The following ELFN2 variants were observed in gnomAD, a reference collection of about 807,000 sequenced individuals.
ELFN2 encodes extracellular leucine rich repeat and fibronectin type III domain containing 2, also known as protein phosphatase 1 regulatory subunit 29.
In ELFN2, 17 loss-of-function variants were observed where a neutral mutation model predicts 45.5. The observed-to-expected ratio is 0.37, with a 90% CI of 0.26 to 0.56. The LOEUF is 0.56. Among genes scored for constraint, ELFN2 ranks in the 20% least tolerant of loss-of-function variants. ELFN2 has a pLI of 0.77. For missense variants in ELFN2, 922 were observed against 1,183.2 expected, an observed-to-expected ratio of 0.78 and a Z score of 3.24; for synonymous variants, 550 against 551.5, an observed-to-expected ratio of 1.00 and a Z score of 0.04.
chr22:37,354,772 T>C (rs911685908), intron 1 of ELFN2: 16 of 151,206 alleles, frequency 1.1e-4, no homozygotes, highest in Non-Finnish European at 2.1e-4. Flanking sequence ...TGGCCTCAGC[T>C]GTCCTATGCA....
chr22:37,374,072 T>A lies in ELFN2; in HGVS notation c.1463A>T (p.Glu488Val), dbSNP rs376193256. The change falls in exon 3 of 3, where the codon GAG (glutamate) becomes GTG (valine). Residue 488 changes from glutamate to valine, a missense_variant. Physicochemically the swap from Glu to Val is moderately radical, Grantham distance 121. Around this residue, in one of 2 missense-constraint regions of ELFN2, gnomAD observed 564 missense variants for 642.8 expected, o/e 0.88. Coordinates refer to ENST00000402918, the MANE Select transcript of ELFN2 (RefSeq NM_052906.5). ...TACCTTGGGTGTGTCCAGCCCGGCC[T>A]CCAACCCCTTGGCGGTGGGCAGCTT... is the stretch of plus-strand genomic sequence containing the variant. ...GEKLPTAKGLEAGLDTPKVAT... is the reference protein window; with the variant it reads ...GEKLPTAKGLVAGLDTPKVAT... 1 of 1,613,034 alleles carries A rather than the reference T, an allele frequency of 6.2e-7. No individual in the cohort carries two copies. The highest frequency in any genetic ancestry group is 8.5e-7 in the Non-Finnish European group (1 of 1,180,014).
chr22:37,364,643 G>A (rs959782378), downstream of ELFN2, among the ~76,000 whole-genome samples: 3 of 152,196 alleles, frequency 2.0e-5, no homozygotes, highest in East Asian at 1.9e-4. Flanking sequence ...TGAGTGCCAC[G>A]CTGTGACACC....
chr22:37,408,411 C>T (rs1000865132), intron 2 of ELFN2, among the ~76,000 whole-genome samples: 1 of 152,256 alleles, frequency 6.6e-6, no homozygotes, highest in Non-Finnish European at 1.5e-5. Flanking sequence ...ATGTGCTGAG[C>T]GCCTGAGCCT....
At chr22:37,383,187 C>T (rs1161613504) in intron 2 of ELFN2, among the ~76,000 whole-genome samples, 1 of 152,150 alleles carries the variant, frequency 6.6e-6, no homozygotes, top group East Asian at 1.9e-4. Context: ...GCGTTCAGAG[C>T]AGGATCAGCT....
In ELFN2 at chr22:37,368,736, C is replaced by T. The variant is rs1458808080; in HGVS notation, c.*4336G>A. On this transcript the variant is annotated 3_prime_UTR_variant, in exon 3 of 3. Transcript: ENST00000402918. The stretch of plus-strand genomic sequence containing the variant: ...CCTCAGGGCTGAGCTTCCCCAGGCT[C>T]CCCGACGGCTTGCCCCGCCCATCCA... The T allele has an allele frequency of 1.3e-5, 2 of 152,314 alleles. No homozygotes were observed. The highest frequency in any genetic ancestry group is 2.9e-5 in the Non-Finnish European group (2 of 68,178). 9.4% of individuals were successfully genotyped at this position (152,314 alleles called of 1,614,324 possible). A position where few individuals can be genotyped will look rare whatever the true frequency, so the allele number is the denominator to read the frequency against.
chr22:37,421,057 C>T (rs554778672), intron 1 of ELFN2, among the ~76,000 whole-genome samples: 1 of 152,314 alleles, frequency 6.6e-6, no homozygotes, highest in African/African-American at 2.4e-5. Flanking sequence ...GTGGACAGGG[C>T]CCAAGAATCT....
intron 1 of ELFN2, among the ~76,000 whole-genome samples, chr22:37,345,842 G>A (rs1036408709): frequency 3.3e-5 from 5 of 152,128 alleles, no homozygotes; most frequent in African/African-American, 1.2e-4. Context: ...CACCACACCC[G>A]GCCATGGCCT....
rs369074611 is a variant in ELFN2 at position 37,352,682 on chromosome 22, G to A, written n.149-9979C>T. Among the ~76,000 whole-genome samples, 76 of 150,852 alleles carry A rather than the reference G, an allele frequency of 5.0e-4. 1 individual carries two copies. The highest frequency in any genetic ancestry group is 1.4e-3 in the African/African-American group (59 of 41,456). ...TGCAAAGGCCCTGAGGCTGGAACAC[G>A]TGTGGTTGTTTGAGCAACATGTGGC... On this transcript the variant is annotated intron_variant and non_coding_transcript_variant, in intron 1 of 2. Coordinates refer to ENST00000452946, the Ensembl canonical transcript of ELFN2.
At chr22:37,348,642 C>T (rs1389268131) in intron 1 of ELFN2, among the ~76,000 whole-genome samples, 1 of 150,730 alleles carries the variant, frequency 6.6e-6, no homozygotes, top group African/African-American at 2.4e-5. Flanking sequence ...GGGTCTCTCT[C>T]TCCTGAAGAA....
chr22:37,410,137 G>A (rs981906061), intron 2 of ELFN2, among the ~76,000 whole-genome samples: 1 of 152,142 alleles, frequency 6.6e-6, no homozygotes, highest in Non-Finnish European at 1.5e-5. Flanking sequence ...TCTCTCCTGC[G>A]GCCTGAGAGA....
chr22:37,354,449 C>T (rs900440109), intron 1 of ELFN2: 4 of 152,132 alleles, frequency 2.6e-5, no homozygotes, highest in Admixed American at 2.6e-4. Flanking sequence ...AAAGGAATGA[C>T]CACTCCCTAC....
chr22:37,346,536 C>T (rs1232776235), intron 1 of ELFN2, among the ~76,000 whole-genome samples: 1 of 152,142 alleles, frequency 6.6e-6, no homozygotes, highest in Non-Finnish European at 1.5e-5. Flanking sequence ...GATTTCCAAG[C>T]AGTTTGGAGA....
At chr22:37,408,469 C>A (rs1394714951) in intron 2 of ELFN2, among the ~76,000 whole-genome samples, 1 of 152,266 alleles carries the variant, frequency 6.6e-6, no homozygotes, top group Non-Finnish European at 1.5e-5. Flanking sequence ...GTGCTGTTAA[C>A]CCTGTTTTAC....
At chr22:37,350,243 A>C (rs1363466642) in intron 1 of ELFN2, among the ~76,000 whole-genome samples, 1 of 146,504 alleles carries the variant, frequency 6.8e-6, no homozygotes, top group African/African-American at 2.5e-5. Context: ...AGAAGGGGCC[A>C]GGTAGCAGCA....
chr22:37,398,442 C>T (rs1396456496), intron 2 of ELFN2, among the ~76,000 whole-genome samples: 1 of 152,058 alleles, frequency 6.6e-6, no homozygotes, highest in African/African-American at 2.4e-5. Context: ...TCCACTGAGC[C>T]GCCCTGGGCT....
chr22:37,394,654 C>T (rs1018999484), intron 2 of ELFN2, among the ~76,000 whole-genome samples: 5 of 152,236 alleles, frequency 3.3e-5, no homozygotes, highest in Non-Finnish European at 5.9e-5. Flanking sequence ...ATGCCCCCAT[C>T]GAGTGCAGAC....
At chr22:37,357,841 A>G (rs1388492261) in intron 1 of ELFN2, among the ~76,000 whole-genome samples, 1 of 152,172 alleles carries the variant, frequency 6.6e-6, no homozygotes, top group Admixed American at 6.5e-5. Flanking sequence ...TTTGCCCTCA[A>G]TTGTTGACAA....
At chr22:37,383,685 C>T (rs1931853075) in intron 2 of ELFN2, among the ~76,000 whole-genome samples, 1 of 152,242 alleles carries the variant, frequency 6.6e-6, no homozygotes, top group African/African-American at 2.4e-5. Flanking sequence ...TTACGCGTTC[C>T]ACATGTATTC....
In ELFN2 at chr22:37,388,935, G is replaced by T. The variant is rs189255725; in HGVS notation, c.-462-12939C>A. The stretch of plus-strand genomic sequence containing the variant: ...TGGCAGGCACTCCCCGGGGCTTCGT[G>T]GGGGGCGTCCCCAGGATGGGAGAGG... On this transcript the variant is annotated intron_variant, in intron 2 of 2. Transcript: ENST00000402918. Among the ~76,000 whole-genome samples the T allele has an allele frequency of 2.9e-3, 436 of 152,314 alleles. 1 individual carries two copies. Among genetic ancestry groups the T allele is most frequent in the Middle Eastern group, 0.014 (4 of 294 alleles).
Sources: gnomAD v4.1 joint callset for allele counts (sites outside exome capture counted in the v4.1 genomes callset) on GRCh38, gnomAD v4.1.1 for gene constraint, gnomAD v4.1.1 regional missense constraint, MANE v1.5 for transcripts, NCBI Gene and HGNC (gene_info 2026-07-23, HGNC 2026-07-21) for gene names.